Variants in IGFN1 observed in about 807,000 individuals in gnomAD.
The protein encoded by IGFN1 is immunoglobulin like and fibronectin type III domain containing 1, also known as immunoglobulin-like and fibronectin type III domain-containing protein 1.
Under a neutral mutation model 289.5 loss-of-function variants are expected in IGFN1, and 253 were observed. The ratio of observed to expected loss-of-function variants is 0.87; its 90% CI spans 0.79 to 0.97. The LOEUF is 0.97. Ranked by LOEUF, IGFN1 falls within the 50% of genes least tolerant of loss-of-function variation. The pLI is 0.00. For synonymous variants in IGFN1, 1,706 were observed against 1,788.5 expected, an observed-to-expected ratio of 0.95 and a Z score of 1.16; for missense variants, 4,470 against 4,686.1, an observed-to-expected ratio of 0.95 and a Z score of 1.35.
At chr1:201,219,064 G>GA (rs11411197) in intron 18 of IGFN1, among the ~76,000 whole-genome samples, 133,242 of 148,282 alleles carry the variant, frequency 0.9, 59,938 homozygotes, top group East Asian at 1. Context: ...AAAGAAAGAA[G>GA]AAAAAAAAAA....
chr1:201,195,781 G>A (rs1666890740), intron 3 of IGFN1, 58 bp from the exon 4 acceptor site: 1 of 1,493,034 alleles, frequency 6.7e-7, no homozygotes, highest in Non-Finnish European at 9.0e-7. Flanking sequence ...TTTAAATAAA[G>A]TATACAGTCA....
rs1262680951 is a variant in IGFN1, at chr1:201,199,930, G to GA, written c.458+276_458+277insA. Among the ~76,000 whole-genome samples, 5 of 146,162 alleles carry GA rather than the reference G, an allele frequency of 3.4e-5. No individual in the cohort carries two copies. The East Asian group carries it at 1.0e-3, about 31-fold the overall frequency. ...TGTGGTGGTCCACCAGAACAATGATGTACTTTTTTTTTTTAAGCAACAGAA... is the reference window on the plus strand; with the variant it reads ...TGTGGTGGTCCACCAGAACAATGATGATACTTTTTTTTTTTAAGCAACAGAA... On this transcript the variant is annotated intron_variant, in intron 7 of 23. Transcript: ENST00000335211.
rs145659176 is a variant in IGFN1, at chr1:201,226,018, A to G, written c.10681A>G (p.Ile3561Val). Reference sequence around the variant, plus strand: ...CACCAACCGCTTCACCCTCCTGGGCATCCTCCCCGGCCACGAATACCACTT... The same window carrying G: ...CACCAACCGCTTCACCCTCCTGGGCGTCCTCCCCGGCCACGAATACCACTT... ...IHTNRFTLLG[I>V]LPGHEYHFRV... Residue 3561 changes from isoleucine (I) to valine (V), a missense_variant, in exon 22 of 24, where the codon ATC (isoleucine) becomes GTC (valine). By Grantham distance (29) the Ile-to-Val change is conservative. Coordinates refer to ENST00000335211, the MANE Select transcript of IGFN1 (RefSeq NM_001164586.2). 169 of 1,581,956 alleles carry G rather than the reference A, an allele frequency of 1.1e-4. No homozygotes were observed. The African/African-American group carries it at 2.0e-3, about 19-fold the overall frequency.
intron 3 of IGFN1, among the ~76,000 whole-genome samples, chr1:201,195,537 C>T (rs1666880082): frequency 6.6e-6 from 1 of 152,146 alleles, no homozygotes; most frequent in African/African-American, 2.4e-5. Context: ...AAGCCCCTGT[C>T]CCCTAAAGCC....
rs148512087 is a variant in IGFN1, at chr1:201,214,187, C to G, written c.8739C>G (p.Gly2913=). 24 of 1,612,286 alleles carry G rather than the reference C, an allele frequency of 1.5e-5. No homozygotes were observed. In the African/African-American group the frequency reaches 2.8e-4, roughly 19 times the overall value. ...TCTGTGTCTCTCCAGGCCCCATGGGCCACTTCTCCCAGGGCCTGGCTGACA... is the reference window on the plus strand; with the variant it reads ...TCTGTGTCTCTCCAGGCCCCATGGGGCACTTCTCCCAGGGCCTGGCTGACA... ...SFSKDAQGPM[G]HFSQGLADME... The change falls in exon 13 of 24, where the codon GGC becomes GGG. Residue 2913 remains glycine (G), a synonymous_variant. Transcript: ENST00000335211.
chr1:201,208,098 G>A lies in IGFN1; in HGVS notation c.3205G>A (p.Gly1069Arg), dbSNP rs1667520027. ...SACQAGMDPRGGHHSDGGLGS... is the reference protein window; with the variant it reads ...SACQAGMDPRRGHHSDGGLGS... ...ATGCCAGGCAGGCATGGACCCTAGG[G>A]GAGGGCACCATTCAGATGGTGGCCT... The change falls in exon 12 of 24, where the codon GGA becomes AGA. Residue 1069 changes from glycine to arginine, a missense_variant. Physicochemically the swap from Gly to Arg is moderately radical, Grantham distance 125 (BLOSUM62 -2). Transcript: ENST00000335211. 6 of 1,536,842 alleles carry A rather than the reference G, an allele frequency of 3.9e-6. No individual in the cohort carries two copies. The highest frequency in any genetic ancestry group is 5.2e-6 in the Non-Finnish European group (6 of 1,146,832).
In IGFN1 at chr1:201,209,121, C is replaced by T; in HGVS notation, c.4228C>T (p.His1410Tyr). ...GEMGSLDESG[H>Y]RNGIGGYGEM... is the part of the protein sequence containing the mutation. ...GATGGGGTCACTGGATGAGTCAGGT[C>T]ATAGGAATGGGATTGGAGGTTATGG... The change falls in exon 12 of 24, where the codon CAT (histidine) becomes TAT (tyrosine). Residue 1410 changes from histidine (H) to tyrosine (Y), a missense_variant. Around this residue, in one of 8 missense-constraint regions of IGFN1, gnomAD observed 2,011 missense variants for 1,953.4 expected, o/e 1.03. Transcript: ENST00000335211. 6.6e-7 allele frequency: 1 copy of T among 1,522,842 alleles called. No homozygotes were observed. The highest frequency in any genetic ancestry group is 8.8e-7 in the Non-Finnish European group (1 of 1,142,842). The allele number at this position is 1,522,842 out of a possible 1,614,324, so 94.3% of individuals were successfully genotyped here.
chr1:201,196,132 T>C (rs1040821282), intron 4 of IGFN1, among the ~76,000 whole-genome samples, 154 bp downstream of exon 4: 1 of 152,238 alleles, frequency 6.6e-6, no homozygotes, highest in Admixed American at 6.5e-5. Context: ...CAAAGTTGCC[T>C]GAGCCAAGAA....
In IGFN1 at chr1:201,212,677, C is replaced by T. The variant is rs1667880096; in HGVS notation, c.7784C>T (p.Thr2595Ile). The T allele has an allele frequency of 1.9e-6, 3 of 1,544,448 alleles. No homozygotes were observed. The highest frequency in any genetic ancestry group is 2.6e-6 in the Non-Finnish European group (3 of 1,142,952). ...GTAGGCTCAGGGAGTTCAGTGGGGA[C>T]AGGTCAGGATCTGGACAGCGGCTCT... is the stretch of plus-strand genomic sequence containing the variant. Reference protein sequence around the residue: ...RRVGSGSSVGTGQDLDSGSMP... With the variant: ...RRVGSGSSVGIGQDLDSGSMP... Residue 2595 changes from threonine to isoleucine, a missense_variant, in exon 12 of 24, where the codon ACA becomes ATA. By Grantham distance (89) the Thr-to-Ile change is moderately conservative. Around this residue, in one of 8 missense-constraint regions of IGFN1, gnomAD observed 2,218 missense variants for 2,114.1 expected, o/e 1.05. Coordinates refer to ENST00000335211, the MANE Select transcript of IGFN1 (RefSeq NM_001164586.2).
In IGFN1 at chr1:201,195,829, C is replaced by T; in HGVS notation, c.128-10C>T. On this transcript the variant is annotated splice_polypyrimidine_tract_variant and intron_variant, in intron 3 of 23. Transcript: ENST00000335211. Reference sequence around the variant, plus strand: ...TTGTCAGTCTCCCTACTCGTCTCTTCCTGCTGCAGGGAAAAATGCTGTCTT... The same window carrying T: ...TTGTCAGTCTCCCTACTCGTCTCTTTCTGCTGCAGGGAAAAATGCTGTCTT... The T allele has an allele frequency of 6.4e-7, 1 of 1,550,790 alleles. No homozygotes were observed. Among genetic ancestry groups the T allele is most frequent in the Non-Finnish European group, 8.7e-7 (1 of 1,146,462 alleles).
chr1:201,208,897 G>T lies in IGFN1; in HGVS notation c.4004G>T (p.Ser1335Ile). The T allele has an allele frequency of 6.5e-7, 1 of 1,536,610 alleles. No individual in the cohort carries two copies. The change falls in exon 12 of 24, where the codon AGT (serine) becomes ATT (isoleucine). Residue 1335 changes from serine (S) to isoleucine (I), a missense_variant. This residue lies in a region of IGFN1 where 2,011 missense variants were observed against 1,953.4 expected (regional missense o/e 1.03). Transcript: ENST00000335211. ...GATTTAGGGGCTCCTGAGGGAATAA[G>T]TTCAGGGAGCAAGGCAGATTATAGG... ...RKDLGAPEGI[S>I]SGSKADYRGG...
chr1:201,219,967 CTT>C (rs909018757), intron 18 of IGFN1, among the ~76,000 whole-genome samples: 47 of 138,514 alleles, frequency 3.4e-4, no homozygotes, highest in Non-Finnish European at 4.2e-4. Flanking sequence ...CTCCTTCTCT[CTT>C]TCTTTCTTTT....
rs1667269483 is a variant in IGFN1, at chr1:201,203,808, A to G, written c.818A>G (p.Tyr273Cys). ...TGTCTGCGCCGGCTGGGGAAGCGCT[A>G]TGAGTTCCAGATTCAAGACCTGAGG... Reference protein sequence around the residue: ...KHCLRRLGKRYEFQIQDLRPE... With the variant: ...KHCLRRLGKRCEFQIQDLRPE... Residue 273 changes from tyrosine to cysteine, a missense_variant, in exon 10 of 24, where the codon TAT (tyrosine) becomes TGT (cysteine). Physicochemically the swap from Tyr to Cys is radical, Grantham distance 194 (BLOSUM62 -2). Around this residue, in one of 8 missense-constraint regions of IGFN1, gnomAD observed 2,011 missense variants for 1,953.4 expected, o/e 1.03. Transcript: ENST00000335211. 1.3e-6 allele frequency: 2 copies of G among 1,551,670 alleles called. No individual in the cohort carries two copies. The highest frequency in any genetic ancestry group is 2.4e-5 in the East Asian group (1 of 40,914).
rs769295936 is a variant in IGFN1, at chr1:201,226,910, C to T, written c.10815C>T (p.Tyr3605=). 1 of 1,605,170 alleles carries T rather than the reference C, an allele frequency of 6.2e-7. No homozygotes were observed. The highest frequency in any genetic ancestry group is 1.1e-5 in the South Asian group (1 of 90,192). ...RDRFTVKAPC[Y]REPDLSQKPR... ...GGTTCACAGTGAAGGCTCCGTGCTA[C>T]CGGGAGCCCGACCTGAGCCAGAAGC... is the stretch of plus-strand genomic sequence containing the variant. Residue 3605 remains tyrosine (Y), a synonymous_variant, in exon 23 of 24, where the codon TAC becomes TAT. Coordinates refer to ENST00000335211, the MANE Select transcript of IGFN1 (RefSeq NM_001164586.2).
At position 201,227,095 on chromosome 1, in the gene IGFN1, G is replaced by A; in HGVS notation, c.11000G>A (p.Gly3667Asp). Reference sequence around the variant, plus strand: ...GCGGTGTACAGCACTGACCTGCTGGGCGTGTGCTCCCTCACCATCCCCAGC... The same window carrying A: ...GCGGTGTACAGCACTGACCTGCTGGACGTGTGCTCCCTCACCATCCCCAGC... Reference protein sequence around the residue: ...NPAVYSTDLLGVCSLTIPSVS... With the variant: ...NPAVYSTDLLDVCSLTIPSVS... The change falls in exon 23 of 24, where the codon GGC (glycine) becomes GAC (aspartate). Residue 3667 changes from glycine (G) to aspartate (D), a missense_variant. By Grantham distance (94) the Gly-to-Asp change is moderately conservative (BLOSUM62 -1). Coordinates refer to ENST00000335211, the MANE Select transcript of IGFN1 (RefSeq NM_001164586.2). 1 of 1,613,636 alleles carries A rather than the reference G, an allele frequency of 6.2e-7. No individual in the cohort carries two copies. The highest frequency in any genetic ancestry group is 8.5e-7 in the Non-Finnish European group (1 of 1,180,046).
rs1301921127 is a variant in IGFN1 at position 201,201,721 on chromosome 1, C to T, written c.636C>T (p.Tyr212=). ...KKEQEDKMAQ[Y]INTISSLRHI... ...CTGGGTGTTTGTCTGCTTTGTAGTA[C>T]ATCAACACCATCTCCAGCTTAAGAC... is the stretch of plus-strand genomic sequence containing the variant. The change falls in exon 9 of 24, where the codon TAC becomes TAT. Residue 212 remains tyrosine (Y), a splice_region_variant and synonymous_variant. Coordinates refer to ENST00000335211, the MANE Select transcript of IGFN1 (RefSeq NM_001164586.2). The T allele has an allele frequency of 8.6e-6, 13 of 1,517,030 alleles. No homozygotes were observed. Among genetic ancestry groups the T allele is most frequent in the Admixed American group, 2.0e-5 (1 of 50,932 alleles). 94.0% of individuals were successfully genotyped at this position (1,517,030 alleles called of 1,614,324 possible).
Position 201,218,646 on chromosome 1 carries a change from C to A in IGFN1, c.9886C>A (p.Arg3296=), listed in dbSNP as rs532291490. The change falls in exon 18 of 24, where the codon CGG becomes AGG. Residue 3296 remains arginine (R), a synonymous_variant. Transcript: ENST00000335211. ...ACCTCCATCGGATGCTGTCTTTGCT[C>A]GGGACCCCATGAGTAAGTAGGGCAC... is the stretch of plus-strand genomic sequence containing the variant. ...PGPPSDAVFA[R]DPMRPPGLVR... 13 of 1,605,498 alleles carry A rather than the reference C, an allele frequency of 8.1e-6. 1 individual carries two copies. In the African/African-American group the frequency reaches 1.6e-4, roughly 20 times the overall value.
rs921285276 is a variant in IGFN1, at chr1:201,211,097, A to G, written c.6204A>G (p.Ala2068=). The G allele has an allele frequency of 6.6e-7, 1 of 1,506,968 alleles. No individual in the cohort carries two copies. Among genetic ancestry groups the G allele is most frequent in the Admixed American group, 2.0e-5 (1 of 49,492 alleles). 93.3% of individuals were successfully genotyped at this position (1,506,968 alleles called of 1,614,324 possible). ...SSVEMGSVNE[A]GYRKDLGAPK... ...TAGAAATGGGGTCAGTGAATGAGGC[A>G]GGTTATAGGAAGGATTTAGGGGCTC... Residue 2068 remains alanine, a synonymous_variant, in exon 12 of 24, where the codon GCA becomes GCG. Coordinates refer to ENST00000335211, the MANE Select transcript of IGFN1 (RefSeq NM_001164586.2).
At chr1:201,199,568 TC>T in intron 6 of IGFN1, 40 bp from the exon 7 acceptor site, 1 of 1,532,320 alleles carries the variant, frequency 6.5e-7, no homozygotes, top group Non-Finnish European at 8.8e-7. Context: ...CCCTCAGTCA[TC>T]CCACCTGGGA....
Sources: allele counts gnomAD v4.1 joint callset (sites outside exome capture counted in the v4.1 genomes callset), GRCh38; gene constraint gnomAD v4.1.1; regional missense constraint gnomAD v4.1.1; transcripts MANE v1.5; gene names NCBI Gene and HGNC (gene_info 2026-07-23, HGNC 2026-07-21).